The following MERTK variants were observed in gnomAD, a reference collection of about 807,000 sequenced individuals.
The protein encoded by MERTK is tyrosine-protein kinase Mer.
In MERTK, 69 loss-of-function variants were observed where a neutral mutation model predicts 99.3. That is an observed-to-expected ratio of 0.70 (90% CI 0.57 to 0.85). The LOEUF (loss-of-function observed/expected upper bound fraction) is 0.85, where lower values mean the gene tolerates loss of function less well. MERTK is among the 40% of genes least tolerant of loss of function. The pLI, the probability that MERTK is intolerant of heterozygous loss-of-function variation, is 0.00. For synonymous variants in MERTK, 426 were observed against 467.6 expected, an observed-to-expected ratio of 0.91 and a Z score of 1.15; for missense variants, 1,125 against 1,249.4, an observed-to-expected ratio of 0.90 and a Z score of 1.50.
intron 2 of MERTK, among the ~76,000 whole-genome samples, chr2:111,942,884 C>T (rs768049485): frequency 6.6e-6 from 1 of 152,190 alleles, no homozygotes; most frequent in Non-Finnish European, 1.5e-5. Context: ...CATTGTTGAG[C>T]TGTGTCTTAG....
At position 111,997,296 on chromosome 2, in the gene MERTK, A is replaced by T. The variant is rs769467585; in HGVS notation, c.1451-27A>T. On this transcript the variant is annotated intron_variant, in intron 9 of 18. Coordinates refer to ENST00000295408, the MANE Select transcript of MERTK (RefSeq NM_006343.3). ...AGTGTTTCTCATATATTTCAAACCC[A>T]TGACTGGTCTATTGGTATCTCACCA... 2.4e-5 allele frequency: 39 copies of T among 1,612,572 alleles called. 1 individual carries two copies. In the South Asian group the frequency reaches 4.1e-4, roughly 17 times the overall value.
At position 112,014,296 on chromosome 2, in the gene MERTK, C is replaced by T. The variant is rs112335357; in HGVS notation, c.2079+4230C>T. ...TCGGCCTCCCAAAGTGCTGGGATTA[C>T]AGGCATGAGCCACCGTGCCCGGCCA... On this transcript the variant is annotated intron_variant, in intron 15 of 18. Coordinates refer to ENST00000295408, the MANE Select transcript of MERTK (RefSeq NM_006343.3). 1.7e-3 allele frequency among the ~76,000 whole-genome samples: 261 copies of T among 152,232 alleles called. 1 individual carries two copies. The highest frequency in any genetic ancestry group is 5.8e-3 in the African/African-American group (243 of 41,542).
intron 6 of MERTK, among the ~76,000 whole-genome samples, chr2:111,970,821 TCCTCCTCC>T (rs1676103356): frequency 5.7e-5 from 6 of 105,710 alleles, no homozygotes; most frequent in African/African-American, 2.3e-4. Flanking sequence ...TCCTCCTCCC[TCCTCCTCC>T]CTCCTCCTTC....
intron 2 of MERTK, among the ~76,000 whole-genome samples, chr2:111,941,953 G>A (rs938559360): frequency 1.3e-5 from 2 of 152,186 alleles, no homozygotes; most frequent in Admixed American, 1.3e-4. Context: ...ACAGTCCAGG[G>A]TGAGCTGCCA....
chr2:111,966,988 G>A (rs980266223), intron 5 of MERTK, among the ~76,000 whole-genome samples: 18 of 152,146 alleles, frequency 1.2e-4, no homozygotes, highest in African/African-American at 3.4e-4. Context: ...GCTCCATGGA[G>A]CAGTGCTGGT....
In MERTK at chr2:111,928,404, G is replaced by T. The variant is rs192992641; in HGVS notation, c.62-716G>T. On this transcript the variant is annotated intron_variant, in intron 1 of 18. Coordinates refer to ENST00000295408, the MANE Select transcript of MERTK (RefSeq NM_006343.3). ...ACACATCTGGCTAATTTTTGGGGTG[G>T]TTTTTTTTTTTCGAACCTCAATCAG... 9.3e-3 allele frequency among the ~76,000 whole-genome samples: 1,303 copies of T among 140,658 alleles called. 12 individuals are homozygous for T. Among genetic ancestry groups the T allele is most frequent in the Non-Finnish European group, 0.015 (980 of 64,048 alleles). The allele number at this position is 140,658 out of a possible 152,430, so 92.3% of individuals were successfully genotyped here.
chr2:111,922,498 C>G (rs1406011475), intron 1 of MERTK, among the ~76,000 whole-genome samples: 1 of 152,212 alleles, frequency 6.6e-6, no homozygotes. Context: ...CATGCATTGT[C>G]CAAGGCAGAC....
intron 6 of MERTK, among the ~76,000 whole-genome samples, chr2:111,973,401 C>T (rs1176997512): frequency 6.6e-6 from 1 of 152,014 alleles, no homozygotes; most frequent in Non-Finnish European, 1.5e-5. Context: ...CTGGTGGCTC[C>T]TCAGGCCAAA....
intron 13 of MERTK, among the ~76,000 whole-genome samples, chr2:112,006,586 A>T (rs1010162483): frequency 6.6e-6 from 1 of 152,090 alleles, no homozygotes; most frequent in Non-Finnish European, 1.5e-5. Context: ...TGGGCCTGGA[A>T]CCCACTTTTT....
intron 6 of MERTK, among the ~76,000 whole-genome samples, chr2:111,971,103 A>G (rs1013981840): frequency 1.3e-5 from 2 of 152,064 alleles, no homozygotes; most frequent in Non-Finnish European, 2.9e-5. Flanking sequence ...TTATTGGTAT[A>G]CAACATAGTA....
At chr2:111,978,635 A>G (rs967176814) in intron 7 of MERTK, among the ~76,000 whole-genome samples, 1 of 152,168 alleles carries the variant, frequency 6.6e-6, no homozygotes, top group African/African-American at 2.4e-5. Context: ...AACTGTTTCA[A>G]TGTCTTTGTT....
At chr2:111,982,726 C>T in intron 7 of MERTK, 116 bp from the exon 8 acceptor site, 1 of 1,123,344 alleles carries the variant, frequency 8.9e-7, no homozygotes, top group African/African-American at 1.5e-5. Context: ...AAGTCTTGGT[C>T]TCATTTGAGT....
chr2:111,993,869 A>G (rs979806813), intron 8 of MERTK, among the ~76,000 whole-genome samples: 6 of 152,286 alleles, frequency 3.9e-5, no homozygotes, highest in Non-Finnish European at 8.8e-5. Flanking sequence ...GCAGGTGGAC[A>G]ATGTCAAGGG....
intron 1 of MERTK, among the ~76,000 whole-genome samples, chr2:111,916,707 G>A (rs183070170): frequency 4.7e-4 from 72 of 152,148 alleles, no homozygotes; most frequent in African/African-American, 1.7e-3. Context: ...TTGTCATTTT[G>A]ATGTTGGCAT....
At position 112,009,919 on chromosome 2, in the gene MERTK, T is replaced by G. The variant is rs1214771391; in HGVS notation, c.1961-29T>G. 3 of 1,524,048 alleles carry G rather than the reference T, an allele frequency of 2.0e-6. No homozygotes were observed. The South Asian group carries it at 3.4e-5, about 17-fold the overall frequency. 94.4% of individuals were successfully genotyped at this position (1,524,048 alleles called of 1,614,324 possible). A position where few individuals can be genotyped will look rare whatever the true frequency, so the allele number is the denominator to read the frequency against. On this transcript the variant is annotated intron_variant, in intron 14 of 18. Coordinates refer to ENST00000295408, the MANE Select transcript of MERTK (RefSeq NM_006343.3). ...TCTGGTCACAGTAACAAGGACTCTT[T>G]GTAATTGATGCTGTGTTTGTAATTT... is the stretch of plus-strand genomic sequence containing the variant.
At chr2:111,990,430 T>G (rs1676593969) in intron 8 of MERTK, among the ~76,000 whole-genome samples, 1 of 152,204 alleles carries the variant, frequency 6.6e-6, no homozygotes, top group Non-Finnish European at 1.5e-5. Context: ...TTTGTCATAT[T>G]TTGATATTCA....
intron 1 of MERTK, among the ~76,000 whole-genome samples, chr2:111,905,018 G>C (rs185220563): frequency 1.4e-3 from 211 of 152,366 alleles, no homozygotes; most frequent in South Asian, 3.9e-3. Context: ...TCCAGCCGAA[G>C]TGCTAAAAAT....
At chr2:111,903,681 T>C (rs1450007889) in intron 1 of MERTK, among the ~76,000 whole-genome samples, 7 of 152,312 alleles carry the variant, frequency 4.6e-5, no homozygotes, top group Non-Finnish European at 8.8e-5. Flanking sequence ...TGAGGCACAC[T>C]ATGCCTCTGG....
rs1214184270 is a variant in MERTK, at chr2:111,994,357, G to A, written c.1403G>A (p.Gly468Glu). The change falls in exon 9 of 19, where the codon GGA becomes GAA. Residue 468 changes from glycine (G) to glutamate (E), a missense_variant. By Grantham distance (98) the Gly-to-Glu change is moderately conservative. Transcript: ENST00000295408. ...TVRIAAVTRGGVGPFSDPVKI... is the reference protein window; with the variant it reads ...TVRIAAVTRGEVGPFSDPVKI... The stretch of plus-strand genomic sequence containing the variant: ...AGGATTGCAGCCGTCACCAGAGGGG[G>A]AGTTGGGCCCTTCAGTGATCCAGTG... 5.0e-6 allele frequency: 8 copies of A among 1,614,182 alleles called. No individual in the cohort carries two copies. In the South Asian group the frequency reaches 7.7e-5, roughly 16 times the overall value.
Sources: gnomAD v4.1 joint callset for allele counts (sites outside exome capture counted in the v4.1 genomes callset) on GRCh38, gnomAD v4.1.1 for gene constraint, MANE v1.5 for transcripts, NCBI Gene and HGNC (gene_info 2026-07-23, HGNC 2026-07-21) for gene names.